The following PRKCA variants were observed in gnomAD, a reference collection of about 807,000 sequenced individuals.
PRKCA encodes protein kinase C alpha type.
A neutral mutation model predicts 87.0 loss-of-function variants in PRKCA; 27 were observed. That is an observed-to-expected ratio of 0.31 (90% CI 0.23 to 0.43). The LOEUF is 0.43. Among genes scored for constraint, PRKCA ranks in the 20% least tolerant of loss-of-function variants. The pLI, the probability that PRKCA is intolerant of heterozygous loss-of-function variation, is 1.00. For missense variants in PRKCA, 518 were observed against 852.3 expected (o/e 0.61, Z 4.88); for synonymous variants, 329 against 311.1 (o/e 1.06, Z -0.61).
intron 3 of PRKCA, among the ~76,000 whole-genome samples, chr17:66,602,492 C>T (rs373565466): frequency 8.6e-5 from 13 of 151,886 alleles, no homozygotes; most frequent in South Asian, 2.1e-4. Context: ...GAGATGAACC[C>T]GGTACCTCAG....
intron 13 of PRKCA, among the ~76,000 whole-genome samples, chr17:66,765,197 T>C (rs1974770761): frequency 6.6e-6 from 1 of 151,896 alleles, no homozygotes; most frequent in East Asian, 1.9e-4. Flanking sequence ...GCAGATCACC[T>C]GAGATCAGGA....
intron 3 of PRKCA, among the ~76,000 whole-genome samples, chr17:66,502,402 T>G (rs920045579): frequency 1.3e-5 from 2 of 151,904 alleles, no homozygotes; most frequent in African/African-American, 4.8e-5. Context: ...ACTCGGCTAA[T>G]TTTTGTATTT....
chr17:66,795,861 C>A (rs1176810563), intron 16 of PRKCA, among the ~76,000 whole-genome samples: 2 of 152,214 alleles, frequency 1.3e-5, no homozygotes, highest in Admixed American at 6.5e-5. Flanking sequence ...TAAGCCAGAA[C>A]CTTCACCCTC....
intron 2 of PRKCA, among the ~76,000 whole-genome samples, chr17:66,392,671 G>T (rs1458421522): frequency 6.6e-6 from 1 of 152,164 alleles, no homozygotes; most frequent in African/African-American, 2.4e-5. Flanking sequence ...CCGCCTTGCT[G>T]TGCGAAATGC....
chr17:66,800,008 A>G (rs1046227599), intron 16 of PRKCA, among the ~76,000 whole-genome samples: 2 of 152,138 alleles, frequency 1.3e-5, no homozygotes, highest in Non-Finnish European at 2.9e-5. Context: ...CCCTCAGGTC[A>G]TCCTGCAGCC....
chr17:66,727,601 T>C (rs1973788364), intron 8 of PRKCA, among the ~76,000 whole-genome samples: 1 of 151,486 alleles, frequency 6.6e-6, no homozygotes, highest in African/African-American at 2.5e-5. Context: ...TCAACATTTT[T>C]TTTTCTTTTT....
intron 8 of PRKCA, among the ~76,000 whole-genome samples, chr17:66,697,849 A>G (rs1464906240): frequency 1.3e-5 from 2 of 151,662 alleles, no homozygotes; most frequent in Non-Finnish European, 2.9e-5. Flanking sequence ...ATGCAAGCGT[A>G]TTATGTAGAC....
At chr17:66,311,693 A>G (rs949198663) in intron 2 of PRKCA, among the ~76,000 whole-genome samples, 1 of 152,212 alleles carries the variant, frequency 6.6e-6, no homozygotes, top group Non-Finnish European at 1.5e-5. Context: ...AACTGCATTA[A>G]TACTTAGAAG....
intron 2 of PRKCA, among the ~76,000 whole-genome samples, chr17:66,455,119 A>G (rs1333870554): frequency 6.6e-6 from 1 of 152,222 alleles, no homozygotes; most frequent in Non-Finnish European, 1.5e-5. Flanking sequence ...CTTTAAGTCC[A>G]CATAAGTGAG....
intron 2 of PRKCA, among the ~76,000 whole-genome samples, chr17:66,312,129 A>G (rs566239643): frequency 6.6e-6 from 1 of 152,092 alleles, no homozygotes; most frequent in Non-Finnish European, 1.5e-5. Flanking sequence ...TTACAGATGC[A>G]TGCCACCATG....
intron 2 of PRKCA, among the ~76,000 whole-genome samples, chr17:66,405,510 A>C (rs1911317793): frequency 6.6e-6 from 1 of 152,158 alleles, no homozygotes; most frequent in African/African-American, 2.4e-5. Context: ...TAGATCTTCT[A>C]GCATCCGTTT....
intron 3 of PRKCA, among the ~76,000 whole-genome samples, chr17:66,585,094 G>A (rs1159848711): frequency 2.0e-5 from 3 of 151,934 alleles, no homozygotes; most frequent in Admixed American, 6.6e-5. Context: ...ATAGATGAGC[G>A]TGGAGAGGCG....
chr17:66,553,926 C>T (rs1204138551), intron 3 of PRKCA, among the ~76,000 whole-genome samples: 1 of 152,098 alleles, frequency 6.6e-6, no homozygotes, highest in Non-Finnish European at 1.5e-5. Flanking sequence ...CAGTGTTGAA[C>T]CTTGGACTTT....
intron 14 of PRKCA, chr17:66,778,092 G>A (rs1975104524): frequency 1.0e-6 from 1 of 985,432 alleles, no homozygotes. Context: ...GCCCCCTGGA[G>A]AGCACCAGGC....
chr17:66,394,095 A>T (rs907146518), intron 2 of PRKCA, among the ~76,000 whole-genome samples: 1 of 152,172 alleles, frequency 6.6e-6, no homozygotes, highest in Non-Finnish European at 1.5e-5. Flanking sequence ...AGAGTGACAC[A>T]TGAAATAAGG....
At chr17:66,622,992 G>A (rs536759861) in intron 3 of PRKCA, among the ~76,000 whole-genome samples, 6 of 152,298 alleles carry the variant, frequency 3.9e-5, no homozygotes, top group African/African-American at 9.6e-5. Flanking sequence ...CCAGGAAACC[G>A]TTGATTTGTG....
In PRKCA at chr17:66,359,533, G is replaced by A. The variant is rs150779119; in HGVS notation, c.205+53406G>A. On this transcript the variant is annotated intron_variant, in intron 2 of 16. Coordinates refer to ENST00000413366, the MANE Select transcript of PRKCA (RefSeq NM_002737.3). ...GAAGAATTCCACCCTGGCCATGTGG[G>A]CCTGAAACTCTGGAGGGCTTTAACA... is the stretch of plus-strand genomic sequence containing the variant. 2.0e-3 allele frequency among the ~76,000 whole-genome samples: 305 copies of A among 152,286 alleles called. 1 individual carries two copies. Among genetic ancestry groups the A allele is most frequent in the African/African-American group, 6.7e-3 (280 of 41,550 alleles).
At chr17:66,799,086 T>G (rs1975795256) in intron 16 of PRKCA, among the ~76,000 whole-genome samples, 1 of 142,796 alleles carries the variant, frequency 7.0e-6, no homozygotes, top group African/African-American at 2.7e-5. Flanking sequence ...GTGGTGGTGG[T>G]GGTGGTGGTG....
At chr17:66,558,705 G>T (rs1193157542) in intron 3 of PRKCA, among the ~76,000 whole-genome samples, 1 of 152,162 alleles carries the variant, frequency 6.6e-6, no homozygotes, top group Non-Finnish European at 1.5e-5. Context: ...AGGGAGGACA[G>T]ACTGTAAGTG....
Sources: gnomAD v4.1 joint callset for allele counts (sites outside exome capture counted in the v4.1 genomes callset) on GRCh38, gnomAD v4.1.1 for gene constraint, MANE v1.5 for transcripts, NCBI Gene and HGNC (gene_info 2026-07-23, HGNC 2026-07-21) for gene names.